SORCS2: variants seen among roughly 807,000 people sequenced by gnomAD.
SORCS2 encodes VPS10 domain-containing receptor SorCS2.
In SORCS2, 100 loss-of-function variants were observed where a neutral mutation model predicts 141.6. That is an observed-to-expected ratio of 0.71 (90% CI 0.60 to 0.83). SORCS2 has a LOEUF of 0.83. SORCS2 is among the 40% of genes least tolerant of loss of function. The pLI, the probability that SORCS2 is intolerant of heterozygous loss-of-function variation, is 0.00. For missense variants in SORCS2, 1,646 were observed against 1,560.2 expected (o/e 1.05, Z -0.93); for synonymous variants, 789 against 676.9 (o/e 1.17, Z -2.57).
chr4:7,248,335 G>C (rs1009648750), intron 1 of SORCS2, among the ~76,000 whole-genome samples: 10 of 69,220 alleles, frequency 1.4e-4, no homozygotes, highest in African/African-American at 3.7e-4. Context: ...ACAGGTCACC[G>C]TGGGGGGGCC....
At chr4:7,473,147 A>G (rs546517178) in intron 2 of SORCS2, among the ~76,000 whole-genome samples, 2 of 152,334 alleles carry the variant, frequency 1.3e-5, no homozygotes, top group East Asian at 3.9e-4. Flanking sequence ...GACAAATGCT[A>G]ATGACCAAAC....
At chr4:7,669,825 C>G (rs1228207647) in intron 8 of SORCS2, among the ~76,000 whole-genome samples, 1 of 152,192 alleles carries the variant, frequency 6.6e-6, no homozygotes, top group African/African-American at 2.4e-5. Context: ...TCCTGGGTCT[C>G]CAGCCTGCTT....
At chr4:7,488,596 TC>T (rs1731131000) in intron 2 of SORCS2, among the ~76,000 whole-genome samples, 1 of 152,146 alleles carries the variant, frequency 6.6e-6, no homozygotes, top group Non-Finnish European at 1.5e-5. Context: ...CCTGCCTCTG[TC>T]CCCAGGACCT....
chr4:7,322,275 G>A (rs572458065), intron 1 of SORCS2, among the ~76,000 whole-genome samples: 2 of 152,282 alleles, frequency 1.3e-5, no homozygotes, highest in Non-Finnish European at 2.9e-5. Flanking sequence ...AGGGGGCGGT[G>A]AGGATGAAGG....
rs148885113 is a variant in SORCS2 at position 7,460,365 on chromosome 4, C to T, written c.548+64010C>T. Among the ~76,000 whole-genome samples the T allele has an allele frequency of 5.1e-3, 772 of 152,340 alleles. 1 individual carries two copies. The highest frequency in any genetic ancestry group is 7.1e-3 in the Non-Finnish European group (486 of 68,036). ...CAGTCGGTGGCCAACGCAGCTTCCACGGGCCCCTGCACACTTCTAAGGTCC... is the reference window on the plus strand; with the variant it reads ...CAGTCGGTGGCCAACGCAGCTTCCATGGGCCCCTGCACACTTCTAAGGTCC... On this transcript the variant is annotated intron_variant, in intron 2 of 26. Coordinates refer to ENST00000507866, the MANE Select transcript of SORCS2 (RefSeq NM_020777.3).
intron 1 of SORCS2, among the ~76,000 whole-genome samples, chr4:7,289,728 C>CA (rs1289833401): frequency 1.3e-5 from 2 of 152,232 alleles, no homozygotes; most frequent in Non-Finnish European, 2.9e-5. Flanking sequence ...CTCCTATCAG[C>CA]AGCGCTTCGA....
rs368630874 is a variant in SORCS2, at chr4:7,664,471, G to C, written c.1071G>C (p.Lys357Asn). The C allele has an allele frequency of 1.2e-6, 2 of 1,602,188 alleles. No homozygotes were observed. The change falls in exon 7 of 27, where the codon AAG (lysine) becomes AAC (asparagine). Residue 357 changes from lysine (K) to asparagine (N), a missense_variant and splice_region_variant. Physicochemically the swap from Lys to Asn is moderately conservative, Grantham distance 94. Transcript: ENST00000507866. This position sits in a 1 kb window ranked among gnomAD's most constrained non-coding sequence, Gnocchi z 4.7. ...LTVQDDYIFF[K>N]ATSANQTKYY... ...TGCAGGACGATTACATCTTCTTTAA[G>C]GTAAGGTTGCTTCTGGGGCTTTTGG...
chr4:7,739,492 C>T (rs182112064), intron 26 of SORCS2, among the ~76,000 whole-genome samples: 7 of 152,338 alleles, frequency 4.6e-5, no homozygotes, highest in East Asian at 1.9e-4. Flanking sequence ...CCTTGGTCCA[C>T]GCCAGCCTTG....
In SORCS2 at chr4:7,672,971, C is replaced by T. The variant is rs113155709; in HGVS notation, c.1162-3079C>T. Among the ~76,000 whole-genome samples, 512 of 152,232 alleles carry T rather than the reference C, an allele frequency of 3.4e-3. 3 individuals carry two copies. The highest frequency in any genetic ancestry group is 0.011 in the African/African-American group (468 of 41,516). ...TATTGGCAACGTTGGTGTTTCCTTCCGCATATTTCTCCAGGTCATACAAAT... is the reference window on the plus strand; with the variant it reads ...TATTGGCAACGTTGGTGTTTCCTTCTGCATATTTCTCCAGGTCATACAAAT... On this transcript the variant is annotated intron_variant, in intron 8 of 26. Coordinates refer to ENST00000507866, the MANE Select transcript of SORCS2 (RefSeq NM_020777.3).
chr4:7,261,271 A>C (rs1009409244), intron 1 of SORCS2, among the ~76,000 whole-genome samples: 1 of 152,158 alleles, frequency 6.6e-6, no homozygotes, highest in Non-Finnish European at 1.5e-5. Flanking sequence ...TTCTCTCGAG[A>C]GAATTTGGAG....
At chr4:7,518,928 C>G (rs1447621728) in intron 2 of SORCS2, among the ~76,000 whole-genome samples, 1 of 152,178 alleles carries the variant, frequency 6.6e-6, no homozygotes, top group Non-Finnish European at 1.5e-5. Context: ...ACAGCTTCAG[C>G]CTCGCACCTG....
intron 1 of SORCS2, among the ~76,000 whole-genome samples, chr4:7,210,901 G>A (rs1481998012): frequency 1.1e-4 from 17 of 152,122 alleles, no homozygotes; most frequent in Admixed American, 1.1e-3. Context: ...GGAAAGGCAG[G>A]CAGGGGGTAG....
At chr4:7,529,326 C>T (rs1489108272) in intron 2 of SORCS2, among the ~76,000 whole-genome samples, 1 of 152,214 alleles carries the variant, frequency 6.6e-6, no homozygotes, top group Non-Finnish European at 1.5e-5. Context: ...TTCTTCCCAC[C>T]CTCATCACAT....
At chr4:7,276,131 C>T (rs1174776132) in intron 1 of SORCS2, among the ~76,000 whole-genome samples, 1 of 152,214 alleles carries the variant, frequency 6.6e-6, no homozygotes, top group Non-Finnish European at 1.5e-5. Flanking sequence ...CTTCCAGCCA[C>T]CAGCCCCGCT....
intron 12 of SORCS2, among the ~76,000 whole-genome samples, chr4:7,701,887 G>T (rs949186267): frequency 1.3e-5 from 2 of 152,190 alleles, no homozygotes; most frequent in Non-Finnish European, 2.9e-5. Flanking sequence ...CCTGGAGCCT[G>T]GGGTACCCCC....
chr4:7,592,239 C>G (rs1716968946), intron 3 of SORCS2, among the ~76,000 whole-genome samples: 1 of 152,152 alleles, frequency 6.6e-6, no homozygotes, highest in South Asian at 2.1e-4. Context: ...TCCACAGCTG[C>G]TGCTCTAATT....
chr4:7,706,172 G>A (rs113886562), intron 14 of SORCS2, among the ~76,000 whole-genome samples: 1 of 115,890 alleles, frequency 8.6e-6, no homozygotes. Context: ...GTCTGGGCAG[G>A]GATGAGGCTG....
chr4:7,556,082 G>A (rs1714082659), intron 3 of SORCS2, among the ~76,000 whole-genome samples: 1 of 152,216 alleles, frequency 6.6e-6, no homozygotes. Context: ...AACACAGGAT[G>A]CCAACGTTAG....
chr4:7,338,089 CTGGATGGATGT>C (rs1407294700), intron 1 of SORCS2, among the ~76,000 whole-genome samples: 5 of 124,306 alleles, frequency 4.0e-5, no homozygotes, highest in South Asian at 2.5e-4. Flanking sequence ...GGCTGGCTGG[CTGGATGGATGT>C]TGGATGGATG....
Sources: gnomAD v4.1 joint callset for allele counts (sites outside exome capture counted in the v4.1 genomes callset) on GRCh38, gnomAD v4.1.1 for gene constraint, Gnocchi (gnomAD v3.1) non-coding constraint, MANE v1.5 for transcripts, NCBI Gene and HGNC (gene_info 2026-07-23, HGNC 2026-07-21) for gene names.